Variants in LRRK1 observed in about 807,000 individuals in gnomAD.
LRRK1 encodes leucine-rich repeat serine/threonine-protein kinase 1.
Under a neutral mutation model 209.1 loss-of-function variants are expected in LRRK1, and 113 were observed. The observed-to-expected ratio is 0.54, with a 90% CI of 0.46 to 0.63. The LOEUF (loss-of-function observed/expected upper bound fraction) is 0.63. Among genes scored for constraint, LRRK1 ranks in the 30% least tolerant of loss-of-function variants. The probability of loss-of-function intolerance (pLI) is 0.00; values close to 1 mark genes in which losing one functional copy is unlikely to be tolerated. For missense variants in LRRK1, 2,284 were observed against 2,632.2 expected (o/e 0.87, Z 2.89); for synonymous variants, 1,144 against 1,099.7 (o/e 1.04, Z -0.80).
In LRRK1 at chr15:101,014,322, A is replaced by G. The variant is rs772177705; in HGVS notation, c.1426A>G (p.Met476Val). 3.7e-6 allele frequency: 6 copies of G among 1,610,428 alleles called. No individual in the cohort carries two copies. The Admixed American group carries it at 5.0e-5, about 14-fold the overall frequency. The change falls in exon 11 of 34, where the codon ATG becomes GTG. Residue 476 changes from methionine (M) to valine (V), a missense_variant. Coordinates refer to ENST00000388948, the MANE Select transcript of LRRK1 (RefSeq NM_024652.6). ...PLGLFQLDAL[M>V]FLRLQGNQLA... ...CCCTCCCTCTCTCTCTCAGGCCCTC[A>G]TGTTCTTGAGGTTACAGGGGAACCA...
At chr15:100,941,486 G>GCCTGTATCTGTGTGCGTCTGTGTC (rs1567191347) in intron 2 of LRRK1, among the ~76,000 whole-genome samples, 3 of 101,436 alleles carry the variant, frequency 3.0e-5, no homozygotes, top group Non-Finnish European at 6.4e-5. Context: ...GTGTGTGTGT[G>GCCTGTATCTGTGTGCGTCTGTGTC]TGTGTGTGTG....
intron 2 of LRRK1, among the ~76,000 whole-genome samples, chr15:100,930,703 T>C (rs2042196245): frequency 6.6e-6 from 1 of 152,186 alleles, no homozygotes; most frequent in Non-Finnish European, 1.5e-5. Flanking sequence ...CATGAAGAGA[T>C]CAGTAGCCTG....
At chr15:101,042,505 C>T (rs1010085799) in intron 20 of LRRK1, among the ~76,000 whole-genome samples, 8 of 152,232 alleles carry the variant, frequency 5.3e-5, no homozygotes, top group East Asian at 3.9e-4. Context: ...ACTGCCCCTC[C>T]GAGAGCTCTG....
rs1393438647 is a variant in LRRK1, at chr15:101,071,143, A to G, written c.*2295A>G. 1 of 152,298 alleles carries G rather than the reference A, an allele frequency of 6.6e-6. No homozygotes were observed. The allele number at this position is 152,298 out of a possible 1,614,324, so 9.4% of individuals were successfully genotyped here. Reference sequence around the variant, plus strand: ...GCCCAGCATTCAGCATGGTCCCTGCAACTTTGGCCTCTGCCCAGTGACCTC... The same window carrying G: ...GCCCAGCATTCAGCATGGTCCCTGCGACTTTGGCCTCTGCCCAGTGACCTC... On this transcript the variant is annotated 3_prime_UTR_variant, in exon 34 of 34. Coordinates refer to ENST00000388948, the MANE Select transcript of LRRK1 (RefSeq NM_024652.6).
In LRRK1 at chr15:101,046,046, C is replaced by T; in HGVS notation, c.3029C>T (p.Thr1010Ile). ...GACACCCACGGTATGCGGCACCCCACAGCCAACACCATTCAGAGGGTATTT... is the reference window on the plus strand; with the variant it reads ...GACACCCACGGTATGCGGCACCCCATAGCCAACACCATTCAGAGGGTATTT... ...GLDTHGMRHP[T>I]ANTIQRVFKM... The change falls in exon 21 of 34, where the codon ACA becomes ATA. Residue 1010 changes from threonine (T) to isoleucine (I), a missense_variant. Physicochemically the swap from Thr to Ile is moderately conservative, Grantham distance 89. Transcript: ENST00000388948. 2 of 1,614,230 alleles carry T rather than the reference C, an allele frequency of 1.2e-6. No individual in the cohort carries two copies. The highest frequency in any genetic ancestry group is 1.1e-5 in the South Asian group (1 of 91,086).
Position 101,051,937 on chromosome 15 carries a change from G to C in LRRK1, c.3666G>C (p.Leu1222=). ...CGCTGCAGGAGCTGGTCCCTGAACT[G>C]TTCATGACCGACTTCCCGGCCAGGT... The part of the protein sequence containing the change: ...PVPLQELVPE[L]FMTDFPARLF... Residue 1222 remains leucine (L), a synonymous_variant, in exon 24 of 34, where the codon CTG becomes CTC. Coordinates refer to ENST00000388948, the MANE Select transcript of LRRK1 (RefSeq NM_024652.6). 3 of 1,613,618 alleles carry C rather than the reference G, an allele frequency of 1.9e-6. No homozygotes were observed. The highest frequency in any genetic ancestry group is 2.5e-6 in the Non-Finnish European group (3 of 1,179,842).
At position 100,927,710 on chromosome 15, in the gene LRRK1, A is replaced by G. The variant is rs1312793347; in HGVS notation, c.97+2981A>G. ...TTTAGCATTAAGAAAATTATGTTAC[A>G]TGTTAATGAATTACAATAATAACCA... is the stretch of plus-strand genomic sequence containing the variant. On this transcript the variant is annotated intron_variant, in intron 2 of 33. Coordinates refer to ENST00000388948, the MANE Select transcript of LRRK1 (RefSeq NM_024652.6). Among the ~76,000 whole-genome samples the G allele has an allele frequency of 2.6e-5, 4 of 152,338 alleles. No individual in the cohort carries two copies. In the South Asian group the frequency reaches 8.3e-4, roughly 32 times the overall value.
chr15:101,008,481 C>T (rs1396098689), intron 6 of LRRK1, among the ~76,000 whole-genome samples: 9 of 152,134 alleles, frequency 5.9e-5, no homozygotes, highest in Admixed American at 5.9e-4. Flanking sequence ...CGCCTGGACG[C>T]TTCAGCGGTC....
intron 2 of LRRK1, among the ~76,000 whole-genome samples, chr15:100,961,642 A>G (rs2029963667): frequency 1.5e-5 from 1 of 67,336 alleles, no homozygotes; most frequent in African/African-American, 5.6e-5. Context: ...ACAGAGTGAG[A>G]CTCCGTCAAA....
chr15:100,986,850 C>T (rs1450316461), intron 4 of LRRK1, among the ~76,000 whole-genome samples: 1 of 152,212 alleles, frequency 6.6e-6, no homozygotes, highest in East Asian at 1.9e-4. Context: ...AGCTTCCAAA[C>T]TTTCAGAAGG....
At chr15:101,013,340 G>A (rs1258834166) in intron 10 of LRRK1, among the ~76,000 whole-genome samples, 1 of 152,218 alleles carries the variant, frequency 6.6e-6, no homozygotes, top group African/African-American at 2.4e-5. Context: ...AACAGCCTGT[G>A]GCCCTCCTGA....
intron 29 of LRRK1, among the ~76,000 whole-genome samples, chr15:101,060,462 A>G (rs934932699): frequency 2.0e-5 from 3 of 152,240 alleles, no homozygotes; most frequent in South Asian, 4.1e-4. Context: ...TACCATTTCT[A>G]TCATCTGCAA....
intron 2 of LRRK1, among the ~76,000 whole-genome samples, chr15:100,945,482 C>CTTTTTTTTTT (rs34038990): frequency 4.7e-5 from 3 of 63,608 alleles, no homozygotes; most frequent in African/African-American, 1.3e-4. Flanking sequence ...TGCAGAGCCT[C>CTTTTTTTTTT]TTTTTTTTTT....
At position 101,070,195 on chromosome 15, in the gene LRRK1, G is replaced by C. The variant is rs2036741942; in HGVS notation, c.*1347G>C. ...GACCCACTCGCTGTCTGGGGATAATGGGCAGCCCCTCCTTGCCCACTGTGC... is the reference window on the plus strand; with the variant it reads ...GACCCACTCGCTGTCTGGGGATAATCGGCAGCCCCTCCTTGCCCACTGTGC... On this transcript the variant is annotated 3_prime_UTR_variant, in exon 34 of 34. Coordinates refer to ENST00000388948, the MANE Select transcript of LRRK1 (RefSeq NM_024652.6). 1 of 152,108 alleles carries C rather than the reference G, an allele frequency of 6.6e-6. No homozygotes were observed. The highest frequency in any genetic ancestry group is 2.4e-5 in the African/African-American group (1 of 41,392). The allele number at this position is 152,108 out of a possible 1,614,324, so 9.4% of individuals were successfully genotyped here.
At chr15:100,970,903 T>C (rs2030825536) in intron 2 of LRRK1, among the ~76,000 whole-genome samples, 1 of 152,280 alleles carries the variant, frequency 6.6e-6, no homozygotes. Context: ...CCATCTTTTG[T>C]TACATTTTTT....
At position 101,066,002 on chromosome 15, in the gene LRRK1, C is replaced by T. The variant is rs368869252; in HGVS notation, c.5565C>T (p.Ser1855=). The T allele has an allele frequency of 1.9e-6, 3 of 1,614,122 alleles. No individual in the cohort carries two copies. Among genetic ancestry groups the T allele is most frequent in the Non-Finnish European group, 1.7e-6 (2 of 1,180,024 alleles). Residue 1855 remains serine (S), a synonymous_variant, in exon 32 of 34, where the codon TCC becomes TCT. Transcript: ENST00000388948. The part of the protein sequence containing the change: ...SSSPPRQAAR[S]PSSLPSSPAS... Reference sequence around the variant, plus strand: ...CCCCACCCCGCCAGGCTGCCAGGTCCCCCTCAAGCCTCCCCAGCTCCCCAG... The same window carrying T: ...CCCCACCCCGCCAGGCTGCCAGGTCTCCCTCAAGCCTCCCCAGCTCCCCAG...
intron 31 of LRRK1, 77 bp downstream of exon 31, chr15:101,062,767 G>C: frequency 9.3e-7 from 1 of 1,073,768 alleles, no homozygotes. Context: ...AGCTATGTCA[G>C]GGTGGCGCCT....
intron 17 of LRRK1, among the ~76,000 whole-genome samples, 158 bp downstream of exon 17, chr15:101,026,295 G>A (rs1054036830): frequency 2.0e-5 from 3 of 152,276 alleles, no homozygotes; most frequent in Non-Finnish European, 2.9e-5. Context: ...CCTTGGGGAG[G>A]GTGAAGACCT....
At position 101,010,486 on chromosome 15, in the gene LRRK1, C is replaced by T. The variant is rs2033177628; in HGVS notation, c.1026C>T (p.Ser342=). 1.2e-6 allele frequency: 2 copies of T among 1,611,838 alleles called. No homozygotes were observed. Among genetic ancestry groups the T allele is most frequent in the African/African-American group, 1.3e-5 (1 of 74,840 alleles). ...TTGACATTTCCAGCAACAAGTTGTC[C>T]CACCTCCCTCCTGGATTCTTGCACC... ...LEIDISSNKL[S]HLPPGFLHLS... is the part of the protein sequence containing the mutation. The change falls in exon 8 of 34, where the codon TCC becomes TCT. Residue 342 remains serine, a synonymous_variant. Transcript: ENST00000388948.
Sources: gnomAD v4.1 joint callset for allele counts (sites outside exome capture counted in the v4.1 genomes callset) on GRCh38, gnomAD v4.1.1 for gene constraint, MANE v1.5 for transcripts, NCBI Gene and HGNC (gene_info 2026-07-23, HGNC 2026-07-21) for gene names.